Variants in HDAC9 observed in about 807,000 individuals in gnomAD.
HDAC9 encodes the protein MEF-2 interacting transcription repressor (MITR) protein.
In HDAC9, 41 loss-of-function variants were observed where a neutral mutation model predicts 139.4. The ratio of observed to expected loss-of-function variants is 0.29; its 90% CI spans 0.23 to 0.38. The LOEUF (loss-of-function observed/expected upper bound fraction) is 0.38. HDAC9 is among the 10% of genes least tolerant of loss of function. The pLI is 1.00. For missense variants in HDAC9, 1,147 were observed against 1,297.0 expected, an observed-to-expected ratio of 0.88 and a Z score of 1.78; for synonymous variants, 517 against 476.2, an observed-to-expected ratio of 1.09 and a Z score of -1.12.
intron 16 of HDAC9, among the ~76,000 whole-genome samples, chr7:18,772,509 C>G (rs944933064): frequency 3.3e-5 from 5 of 152,008 alleles, no homozygotes; most frequent in Non-Finnish European, 4.4e-5. Flanking sequence ...TTCTCACATG[C>G]AGTAATCAGG....
At chr7:18,554,298 C>T (rs144961656) in intron 2 of HDAC9, among the ~76,000 whole-genome samples, 17 of 144,610 alleles carry the variant, frequency 1.2e-4, no homozygotes, top group African/African-American at 4.4e-4. Flanking sequence ...TTAGTTGCCT[C>T]TGTGTACACC....
chr7:18,137,815 CT>C (rs1481447705), intron 1 of HDAC9, among the ~76,000 whole-genome samples: 1 of 152,152 alleles, frequency 6.6e-6, no homozygotes, highest in Non-Finnish European at 1.5e-5. Context: ...TGATGCTGGC[CT>C]CATAAAATGA....
intron 2 of HDAC9, among the ~76,000 whole-genome samples, chr7:18,502,790 T>A (rs920253382): frequency 2.0e-5 from 3 of 152,334 alleles, no homozygotes; most frequent in Non-Finnish European, 2.9e-5. Flanking sequence ...CTATTAATCA[T>A]GTTTTCTGAA....
At chr7:18,481,212 A>G (rs1279702109) in intron 1 of HDAC9, among the ~76,000 whole-genome samples, 1 of 152,220 alleles carries the variant, frequency 6.6e-6, no homozygotes, top group African/African-American at 2.4e-5. Context: ...TATGATAATG[A>G]TAGTGATGAT....
At chr7:18,904,613 T>C (rs1476336638) in intron 22 of HDAC9, among the ~76,000 whole-genome samples, 1 of 139,646 alleles carries the variant, frequency 7.2e-6, no homozygotes, top group Admixed American at 7.3e-5. Context: ...GGAGTCTCGC[T>C]GTCTCCCAGG....
chr7:18,499,639 G>T (rs1440195346), intron 2 of HDAC9, among the ~76,000 whole-genome samples: 1 of 152,084 alleles, frequency 6.6e-6, no homozygotes, highest in Non-Finnish European at 1.5e-5. Context: ...TGCTTAACAC[G>T]TTGGGCAGCA....
In HDAC9 at chr7:18,310,850, T is replaced by A. The variant is rs564642423; in HGVS notation, c.-42+20335T>A. 3.8e-3 allele frequency among the ~76,000 whole-genome samples: 543 copies of A among 141,428 alleles called. 5 individuals are homozygous for A. The highest frequency in any genetic ancestry group is 9.2e-3 in the Admixed American group (133 of 14,494). 92.8% of individuals were successfully genotyped at this position (141,428 alleles called of 152,430 possible). A position where few individuals can be genotyped will look rare whatever the true frequency, so the allele number is the denominator to read the frequency against. On this transcript the variant is annotated intron_variant, in intron 1 of 3. Transcript: ENST00000413509. ...CACACACACACACACACACACACACTCTCTTACTAAATTGCTGAGGGCCGC... is the reference window on the plus strand; with the variant it reads ...CACACACACACACACACACACACACACTCTTACTAAATTGCTGAGGGCCGC...
intron 2 of HDAC9, among the ~76,000 whole-genome samples, chr7:18,577,788 C>A (rs111905146): frequency 2.4e-4 from 36 of 152,056 alleles, no homozygotes; most frequent in African/African-American, 8.0e-4. Flanking sequence ...TTTAGCCCCC[C>A]AAAAAGGTAG....
chr7:18,542,926 C>T lies in HDAC9; in HGVS notation c.23-42355C>T, dbSNP rs534130364. 2.0e-4 allele frequency among the ~76,000 whole-genome samples: 30 copies of T among 152,160 alleles called. No individual in the cohort carries two copies. The East Asian group carries it at 2.9e-3, about 15-fold the overall frequency. On this transcript the variant is annotated intron_variant, in intron 2 of 25. Transcript: ENST00000686413. The stretch of plus-strand genomic sequence containing the variant: ...TAGAAGCTACCTAAAATCTCAATAA[C>T]GGGAATGAAGAAATAGCTCATGGTA...
chr7:18,882,824 C>T (rs1799833089), intron 22 of HDAC9, among the ~76,000 whole-genome samples: 1 of 152,026 alleles, frequency 6.6e-6, no homozygotes, highest in Non-Finnish European at 1.5e-5. Flanking sequence ...AAATATACAA[C>T]ACAAATTCTG....
intron 2 of HDAC9, among the ~76,000 whole-genome samples, chr7:18,267,365 C>T (rs1796071706): frequency 6.6e-6 from 1 of 152,048 alleles, no homozygotes; most frequent in Non-Finnish European, 1.5e-5. Context: ...CTATAGTCAC[C>T]ATGACGTACA....
chr7:18,678,670 T>C (rs1010784945), intron 12 of HDAC9, among the ~76,000 whole-genome samples: 11 of 151,904 alleles, frequency 7.2e-5, no homozygotes, highest in Non-Finnish European at 1.6e-4. Flanking sequence ...CTGCAACATA[T>C]TCACATTTTT....
chr7:18,941,929 T>A (rs935941268), intron 23 of HDAC9, among the ~76,000 whole-genome samples: 12 of 152,232 alleles, frequency 7.9e-5, no homozygotes, highest in Admixed American at 7.9e-4. Flanking sequence ...GTTTGGATAA[T>A]TCAAAACTCC....
intron 23 of HDAC9, among the ~76,000 whole-genome samples, chr7:18,936,615 A>G (rs1383408313): frequency 6.6e-6 from 1 of 152,238 alleles, no homozygotes; most frequent in Non-Finnish European, 1.5e-5. Context: ...GTTGCAATTC[A>G]GCAAATATTT....
At chr7:18,713,869 C>T (rs1784516798) in intron 12 of HDAC9, among the ~76,000 whole-genome samples, 1 of 151,432 alleles carries the variant, frequency 6.6e-6, no homozygotes, top group African/African-American at 2.4e-5. Context: ...CTCAATAACA[C>T]CTTGTTATAA....
intron 1 of HDAC9, among the ~76,000 whole-genome samples, chr7:18,368,525 A>T (rs7810091): frequency 0.2 from 29,674 of 151,824 alleles, 3,107 homozygotes; most frequent in Admixed American, 0.22. Context: ...AGAGCAAAAC[A>T]TATTGTTTTG....
intron 22 of HDAC9, among the ~76,000 whole-genome samples, chr7:18,901,869 G>A (rs58374447): frequency 6.6e-6 from 1 of 151,718 alleles, no homozygotes; most frequent in Non-Finnish European, 1.5e-5. Flanking sequence ...TTTTTTATTT[G>A]TCCCAAGAGT....
In HDAC9 at chr7:18,783,767, A is replaced by G. The variant is rs150269857; in HGVS notation, c.2215-9578A>G. Among the ~76,000 whole-genome samples, 762 of 151,928 alleles carry G rather than the reference A, an allele frequency of 5.0e-3. 8 individuals are homozygous for G. Among genetic ancestry groups the G allele is most frequent in the African/African-American group, 0.017 (700 of 41,438 alleles). ...TATGCACTGCCAGGCCAGAAGCCAT[A>G]TTCAACACATACATAGATTTCTCTT... On this transcript the variant is annotated intron_variant, in intron 16 of 25. Transcript: ENST00000686413.
At chr7:18,592,618 T>G (rs548901925) in intron 5 of HDAC9, among the ~76,000 whole-genome samples, 1 of 152,214 alleles carries the variant, frequency 6.6e-6, no homozygotes, top group Non-Finnish European at 1.5e-5. Flanking sequence ...TTTAAAGAGT[T>G]AATGTACTTA....
Sources: allele counts gnomAD v4.1 joint callset (sites outside exome capture counted in the v4.1 genomes callset), GRCh38; gene constraint gnomAD v4.1.1; transcripts MANE v1.5; gene names NCBI Gene and HGNC (gene_info 2026-07-23, HGNC 2026-07-21).